GLIS3: variants seen among roughly 807,000 people sequenced by gnomAD.
The protein encoded by GLIS3 is GLIS family zinc finger 3, also known as zinc finger protein GLIS3.
Under a neutral mutation model 78.6 loss-of-function variants are expected in GLIS3, and 53 were observed. The observed-to-expected ratio is 0.67, with a 90% CI of 0.54 to 0.85. The LOEUF is 0.85. Ranked by LOEUF, GLIS3 falls within the 40% of genes least tolerant of loss-of-function variation. The pLI is 0.00. For missense variants in GLIS3, 1,703 were observed against 1,231.1 expected, an observed-to-expected ratio of 1.38 and a Z score of -5.74; for synonymous variants, 684 against 509.9, an observed-to-expected ratio of 1.34 and a Z score of -4.60.
At chr9:4,097,632 C>T (rs1415413852) in intron 4 of GLIS3, among the ~76,000 whole-genome samples, 2 of 152,110 alleles carry the variant, frequency 1.3e-5, no homozygotes, top group South Asian at 2.1e-4. Flanking sequence ...AAATATTTTG[C>T]CAAGATAAAA....
chr9:4,223,679 T>G (rs898263970), intron 2 of GLIS3, among the ~76,000 whole-genome samples: 2 of 152,180 alleles, frequency 1.3e-5, no homozygotes, highest in African/African-American at 4.8e-5. Flanking sequence ...AAAGCTAACC[T>G]GAAACTCCCT....
In GLIS3 at chr9:4,286,318, C is replaced by A; in HGVS notation, c.108G>T (p.Gly36=). 6.2e-7 allele frequency: 1 copy of A among 1,614,206 alleles called. No homozygotes were observed. The highest frequency in any genetic ancestry group is 8.5e-7 in the Non-Finnish European group (1 of 1,180,016). The change falls in exon 2 of 11, where the codon GGG becomes GGT. Residue 36 remains glycine (G), a synonymous_variant. Coordinates refer to ENST00000381971, the MANE Select transcript of GLIS3 (RefSeq NM_001042413.2). ...TGCCACAGGGCGAGGGGCCAGGAGT[C>A]CCGGAGTGGGCTCGGATGGCAGGAA... The part of the protein sequence containing the change: ...HHIPAIRAHS[G]TPGPSPCGST...
At chr9:4,044,210 G>T (rs544536963) in intron 4 of GLIS3, among the ~76,000 whole-genome samples, 1 of 152,298 alleles carries the variant, frequency 6.6e-6, no homozygotes, top group East Asian at 1.9e-4. Flanking sequence ...AAAGTCTTCG[G>T]AACAGTGTGT....
At chr9:4,456,122 T>C in the GLIS3 span, among the ~76,000 whole-genome samples, 1 of 152,010 alleles carries the variant, frequency 6.6e-6, no homozygotes, top group Non-Finnish European at 1.5e-5. Flanking sequence ...AAAAAAAAAG[T>C]TGTGTTTACA....
At chr9:4,117,255 G>A (rs1245871331) in intron 4 of GLIS3, among the ~76,000 whole-genome samples, 1 of 152,360 alleles carries the variant, frequency 6.6e-6, no homozygotes. Flanking sequence ...GGAAGGTACA[G>A]AGCGCAGGCA....
At chr9:4,318,420 C>T (rs1247621073) in intron 2 of GLIS3, among the ~76,000 whole-genome samples, 1 of 152,052 alleles carries the variant, frequency 6.6e-6, no homozygotes, top group Non-Finnish European at 1.5e-5. Flanking sequence ...GATTCCAGGA[C>T]TAGGGCAGGG....
chr9:4,355,001 AG>A, the GLIS3 span, among the ~76,000 whole-genome samples: 1 of 152,030 alleles, frequency 6.6e-6, no homozygotes, highest in South Asian at 2.1e-4. Context: ...CTGTAGTCCC[AG>A]GTACTCGGGA....
the GLIS3 span, among the ~76,000 whole-genome samples, chr9:4,459,877 C>T: frequency 1.3e-5 from 2 of 152,184 alleles, no homozygotes; most frequent in Non-Finnish European, 2.9e-5. Flanking sequence ...ATGCTAAATG[C>T]TGCTGAATGA....
At chr9:3,864,449 C>T (rs751229780) in intron 8 of GLIS3, among the ~76,000 whole-genome samples, 23 of 152,206 alleles carry the variant, frequency 1.5e-4, no homozygotes, top group Non-Finnish European at 2.6e-4. Flanking sequence ...GTATCCTTCT[C>T]ATGGTTTCAA....
intron 10 of GLIS3, 118 bp from the exon 11 acceptor site, chr9:3,828,526 G>T: frequency 7.9e-7 from 1 of 1,260,732 alleles, no homozygotes; most frequent in Non-Finnish European, 1.1e-6. Context: ...AGGCAACCAT[G>T]CCAGCCTGGG....
At chr9:4,404,824 A>C in the GLIS3 span, among the ~76,000 whole-genome samples, 1 of 152,178 alleles carries the variant, frequency 6.6e-6, no homozygotes. Context: ...AAGCAGGAAC[A>C]AACTGAACCC....
intron 4 of GLIS3, among the ~76,000 whole-genome samples, chr9:4,056,602 A>C (rs1826172165): frequency 6.6e-6 from 1 of 152,208 alleles, no homozygotes; most frequent in African/African-American, 2.4e-5. Context: ...GAGAGAAAAA[A>C]GCAAAGGGAA....
At position 3,879,573 on chromosome 9, in the gene GLIS3, A is replaced by T; in HGVS notation, c.2151T>A (p.Tyr717Ter). 1 of 1,614,086 alleles carries T rather than the reference A, an allele frequency of 6.2e-7. No individual in the cohort carries two copies. The highest frequency in any genetic ancestry group is 8.5e-7 in the Non-Finnish European group (1 of 1,180,000). ...LYSAPIFSSN[Y>*]SSRSGTAAGA... ...CAGCAGCTGTTCCACTTCGGCTTGA[A>T]TAATTGCTGGAGAAAATGGGAGCTG... Residue 717 changes from tyrosine to a stop codon, truncating the protein, a stop_gained, in exon 8 of 11, where the codon TAT becomes TAA. Coordinates refer to ENST00000381971, the MANE Select transcript of GLIS3 (RefSeq NM_001042413.2). LOFTEE classifies it high-confidence loss of function.
At chr9:4,214,197 T>C (rs1820622018) in intron 2 of GLIS3, among the ~76,000 whole-genome samples, 1 of 152,174 alleles carries the variant, frequency 6.6e-6, no homozygotes, top group South Asian at 2.1e-4. Context: ...TGCTCAAAAA[T>C]AAATTCTGCT....
At chr9:3,952,866 T>C (rs914098636) in intron 4 of GLIS3, among the ~76,000 whole-genome samples, 1 of 152,204 alleles carries the variant, frequency 6.6e-6, no homozygotes, top group Non-Finnish European at 1.5e-5. Flanking sequence ...CCGATGCTGA[T>C]GCAGCTGGTC....
intron 2 of GLIS3, among the ~76,000 whole-genome samples, chr9:4,195,673 G>C (rs1324090473): frequency 6.6e-6 from 1 of 152,268 alleles, no homozygotes; most frequent in Non-Finnish European, 1.5e-5. Context: ...GCTATGGCAT[G>C]GCACTGGCGG....
chr9:4,472,142 C>T, the GLIS3 span, among the ~76,000 whole-genome samples: 1 of 152,180 alleles, frequency 6.6e-6, no homozygotes, highest in Non-Finnish European at 1.5e-5. Context: ...AATAGGAATG[C>T]TTTTACACGG....
In GLIS3 at chr9:4,228,198, CAAA is replaced by C. The variant is rs59507597; in HGVS notation, c.388+57837_388+57839del. Among the ~76,000 whole-genome samples, 132 of 107,012 alleles carry C rather than the reference CAAA, an allele frequency of 1.2e-3. 1 individual carries two copies. Among genetic ancestry groups the C allele is most frequent in the South Asian group, 4.3e-3 (13 of 3,024 alleles). The allele number at this position is 107,012 out of a possible 152,430, so 70.2% of individuals were successfully genotyped here. A position where few individuals can be genotyped will look rare whatever the true frequency, so the allele number is the denominator to read the frequency against. ...ATTCATAAAGAGAAGTCTAAGGTGG[CAAA>C]AAAAAAAAAAAAAAAAAGAAGAAGA... On this transcript the variant is annotated intron_variant, in intron 2 of 10. Coordinates refer to ENST00000381971, the MANE Select transcript of GLIS3 (RefSeq NM_001042413.2).
intron 2 of GLIS3, among the ~76,000 whole-genome samples, chr9:4,176,724 A>G (rs1177715704): frequency 6.6e-6 from 1 of 152,148 alleles, no homozygotes; most frequent in African/African-American, 2.4e-5. Context: ...CCCGGGTTCA[A>G]ATGATTCTCC....
Sources: allele counts gnomAD v4.1 joint callset (sites outside exome capture counted in the v4.1 genomes callset), GRCh38; gene constraint gnomAD v4.1.1; transcripts MANE v1.5; gene names NCBI Gene and HGNC (gene_info 2026-07-23, HGNC 2026-07-21).